The following PAK3 variants were observed in gnomAD, a reference collection of about 807,000 sequenced individuals.
PAK3 encodes p21 (RAC1) activated kinase 3.
Under a neutral mutation model 41.0 loss-of-function variants are expected in PAK3, and 4 were observed. That is an observed-to-expected ratio of 0.10 (90% confidence interval 0.05 to 0.22). The LOEUF (loss-of-function observed/expected upper bound fraction) is 0.22. Ranked by LOEUF, PAK3 falls within the 10% of genes least tolerant of loss-of-function variation. PAK3 has a pLI of 1.00. For missense variants in PAK3, 205 were observed against 409.9 expected, an observed-to-expected ratio of 0.50 and a Z score of 4.32; for synonymous variants, 146 against 139.6, an observed-to-expected ratio of 1.05 and a Z score of -0.32.
At chrX:111,120,027 T>G (rs1019638848) in intron 4 of PAK3, among the ~76,000 whole-genome samples, 7 of 112,449 alleles carry the variant, frequency 6.2e-5, no homozygotes, top group African/African-American at 2.3e-4. Context: ...ATCTGAACTG[T>G]CTAGGAAAAT....
At chrX:111,200,664 G>A (rs1165427385) in intron 16 of PAK3, among the ~76,000 whole-genome samples, 3 of 111,975 alleles carry the variant, frequency 2.7e-5, no homozygotes, top group African/African-American at 9.7e-5. Context: ...AGCAGTGAAA[G>A]AACACATCGG....
rs1464966968 is a variant in PAK3, at chrX:111,163,640, A to G, written c.679A>G (p.Asn227Asp). The change falls in exon 10 of 18, where the codon AAT (asparagine) becomes GAT (aspartate). Residue 227 changes from asparagine (N) to aspartate (D), a missense_variant. By Grantham distance (23) the Asn-to-Asp change is conservative. Coordinates refer to ENST00000372007, the MANE Select transcript of PAK3 (RefSeq NM_002578.5). ...AGAGGTCACACCACCCTCTGCTGAA[A>G]ATGCCAATTCCAGTACTTTGTACAG... Reference protein sequence around the residue: ...NKEVTPPSAENANSSTLYRNT... With the variant: ...NKEVTPPSAEDANSSTLYRNT... 1.7e-6 allele frequency: 2 copies of G among 1,195,025 alleles called. No individual in the cohort carries two copies. Among genetic ancestry groups the G allele is most frequent in the African/African-American group, 3.5e-5 (2 of 56,802 alleles).
chrX:111,086,420 G>A (rs1844429625), intron 1 of PAK3, among the ~76,000 whole-genome samples: 1 of 110,601 alleles, frequency 9.0e-6, no homozygotes, highest in South Asian at 3.9e-4. Context: ...GGAGAATGGT[G>A]TTCTGTCTCT....
At position 110,978,105 on chromosome X, in the gene PAK3, T is replaced by C. The variant is rs192809822; in HGVS notation, c.-28+33477T>C. Among the ~76,000 whole-genome samples, 93 of 111,965 alleles carry C rather than the reference T, an allele frequency of 8.3e-4. No homozygotes were observed. The Middle Eastern group carries it at 0.019, about 22-fold the overall frequency. The stretch of plus-strand genomic sequence containing the variant: ...CTTTATCATAAAAGGGTGTTAAATT[T>C]TGTAAAAAGTCTTTCTCTGTGTCTA... On this transcript the variant is annotated intron_variant, in intron 1 of 14. Coordinates refer to the PAK3 transcript ENST00000425146.
intron 5 of PAK3, among the ~76,000 whole-genome samples, chrX:111,138,873 C>T (rs1052562755): frequency 2.8e-4 from 31 of 110,724 alleles, no homozygotes; most frequent in African/African-American, 9.2e-4. Context: ...GAGGCTGAGG[C>T]AGGAGAATCG....
chrX:111,052,368 A>G (rs2092566363), intron 1 of PAK3, among the ~76,000 whole-genome samples: 1 of 112,681 alleles, frequency 8.9e-6, no homozygotes, highest in Non-Finnish European at 1.9e-5. Context: ...GCTTAAAAAT[A>G]ACTGAGTTTT....
At chrX:111,144,020 A>G (rs928687473) in intron 6 of PAK3, among the ~76,000 whole-genome samples, 2 of 108,578 alleles carry the variant, frequency 1.8e-5, no homozygotes, top group Admixed American at 1.9e-4. Context: ...GATACAGTAT[A>G]TCTCTAGCTC....
intron 4 of PAK3, among the ~76,000 whole-genome samples, chrX:111,109,487 A>C (rs1018568798): frequency 2.7e-5 from 3 of 112,105 alleles, no homozygotes; most frequent in Non-Finnish European, 5.6e-5. Flanking sequence ...GGATTAGTCC[A>C]TGGAGTTTCC....
chrX:111,146,572 C>T, intron 6 of PAK3: 1 of 1,093,977 alleles, frequency 9.1e-7, no homozygotes, highest in Non-Finnish European at 1.2e-6. Flanking sequence ...AGAGGTGCGT[C>T]ACAGGCCCAA....
chrX:110,952,075 G>A (rs2090755322), intron 1 of PAK3, among the ~76,000 whole-genome samples: 1 of 112,273 alleles, frequency 8.9e-6, no homozygotes, highest in Non-Finnish European at 1.9e-5. Flanking sequence ...AAACAGTGAT[G>A]TCACACTCTG....
intron 1 of PAK3, among the ~76,000 whole-genome samples, chrX:110,959,305 C>T (rs1276450067): frequency 1.8e-5 from 2 of 112,021 alleles, no homozygotes; most frequent in Non-Finnish European, 3.8e-5. Context: ...CCCCATAATG[C>T]CTCTCCATTT....
intron 11 of PAK3, among the ~76,000 whole-genome samples, chrX:111,174,057 A>G (rs1309823947): frequency 9.0e-6 from 1 of 111,209 alleles, no homozygotes; most frequent in Non-Finnish European, 1.9e-5. Flanking sequence ...TGCTTGCAAA[A>G]CTGTGCTAGC....
At chrX:111,111,765 A>G (rs985332255) in intron 4 of PAK3, among the ~76,000 whole-genome samples, 8 of 111,934 alleles carry the variant, frequency 7.1e-5, no homozygotes, top group Admixed American at 9.5e-5. Context: ...TGCAAAAACC[A>G]TTAGGCCATT....
At chrX:111,092,756 G>A (rs1258294694), upstream of PAK3, among the ~76,000 whole-genome samples, 1 of 112,054 alleles carries the variant, frequency 8.9e-6, no homozygotes, top group East Asian at 2.8e-4. Flanking sequence ...TTCCCTTACT[G>A]AGGGACATTT....
chrX:111,035,105 C>CAAA (rs533876214), intron 1 of PAK3, among the ~76,000 whole-genome samples: 15 of 39,549 alleles, frequency 3.8e-4, no homozygotes, highest in African/African-American at 2.1e-3. Flanking sequence ...GACCCTGTCT[C>CAAA]AAAAAAAAAA....
chrX:111,172,167 C>A (rs147689823), intron 10 of PAK3, among the ~76,000 whole-genome samples: 22 of 111,569 alleles, frequency 2.0e-4, no homozygotes, highest in Admixed American at 9.5e-4. Flanking sequence ...AGCGATTATA[C>A]CAATTTATGT....
chrX:111,186,366 A>T lies in PAK3; in HGVS notation c.831-5761A>T, dbSNP rs766129168. 4.0e-3 allele frequency among the ~76,000 whole-genome samples: 441 copies of T among 111,478 alleles called. 1 individual carries two copies. The highest frequency in any genetic ancestry group is 6.9e-3 in the Non-Finnish European group (365 of 53,087). On this transcript the variant is annotated intron_variant, in intron 11 of 17. Coordinates refer to ENST00000372007, the MANE Select transcript of PAK3 (RefSeq NM_002578.5). Reference sequence around the variant, plus strand: ...GAAGTCAAATTGTCCCTGTTTGCAGACGACATGATTGTATATCTAGAAAAC... The same window carrying T: ...GAAGTCAAATTGTCCCTGTTTGCAGTCGACATGATTGTATATCTAGAAAAC...
intron 1 of PAK3, among the ~76,000 whole-genome samples, chrX:111,001,463 C>T (rs767621107): frequency 8.9e-6 from 1 of 112,360 alleles, no homozygotes; most frequent in South Asian, 3.8e-4. Flanking sequence ...ACTGGTATCA[C>T]ACAGCCTGTG....
intron 4 of PAK3, among the ~76,000 whole-genome samples, chrX:111,105,372 T>C (rs148226060): frequency 0.015 from 1,699 of 111,407 alleles, 25 homozygotes; most frequent in African/African-American, 0.052. Context: ...ATACATACTC[T>C]ATACACAAAT....
Sources: allele counts gnomAD v4.1 joint callset (sites outside exome capture counted in the v4.1 genomes callset), GRCh38; gene constraint gnomAD v4.1.1; transcripts MANE v1.5; gene names NCBI Gene and HGNC (gene_info 2026-07-23, HGNC 2026-07-21).